The following OTOF variants were observed in gnomAD, a reference collection of about 807,000 sequenced individuals.
OTOF encodes the protein fer-1-like family member 2.
In OTOF, 218 loss-of-function variants were observed where a neutral mutation model predicts 236.8. That is an observed-to-expected ratio of 0.92 (90% CI 0.82 to 1.03). The LOEUF (loss-of-function observed/expected upper bound fraction) is 1.03, where lower values mean the gene tolerates loss of function less well. OTOF is among the 50% of genes least tolerant of loss of function. OTOF has a pLI of 0.00. For synonymous variants in OTOF, 1,041 were observed against 1,072.5 expected, an observed-to-expected ratio of 0.97 and a Z score of 0.57; for missense variants, 2,590 against 2,694.4, an observed-to-expected ratio of 0.96 and a Z score of 0.86.
Position 26,476,239 on chromosome 2 carries a change from T to C in OTOF, c.2755A>G (p.Ser919Gly), listed in dbSNP as rs987743320. 1.2e-6 allele frequency: 2 copies of C among 1,608,218 alleles called. No homozygotes were observed. Among genetic ancestry groups the C allele is most frequent in the Non-Finnish European group, 1.7e-6 (2 of 1,179,814 alleles). Residue 919 changes from serine (S) to glycine (G), a missense_variant, in exon 23 of 47, where the codon AGC becomes GGC. Ser to Gly is a moderately conservative substitution (Grantham distance 56, BLOSUM62 0). Around this residue, in one of 2 missense-constraint regions of OTOF, gnomAD observed 1,379 missense variants for 1,341.6 expected, o/e 1.03. Transcript: ENST00000272371. The stretch of plus-strand genomic sequence containing the variant: ...CACAGGAACTCCTTGCGCTGTTTGC[T>C]GAGGCCCAGCCACAGGTACAGCTCC... ...KVELYLWLGLSKQRKEFLCGL... is the reference protein window; with the variant it reads ...KVELYLWLGLGKQRKEFLCGL...
At chr2:26,513,351 G>T (rs903937383) in intron 5 of OTOF, among the ~76,000 whole-genome samples, 9 of 152,270 alleles carry the variant, frequency 5.9e-5, no homozygotes, top group East Asian at 1.9e-4. Flanking sequence ...GGGCAGGGCT[G>T]GGGGGTGGAC....
At chr2:26,510,787 G>T in intron 5 of OTOF, 1 of 1,255,742 alleles carries the variant, frequency 8.0e-7, no homozygotes, top group Non-Finnish European at 1.0e-6. Flanking sequence ...AAGGGGACAC[G>T]TGTGAGGGGC....
chr2:26,554,564 C>T (rs150325242), intron 1 of OTOF, among the ~76,000 whole-genome samples: 64 of 152,200 alleles, frequency 4.2e-4, no homozygotes, highest in African/African-American at 1.5e-3. Context: ...ACTTTGTGTG[C>T]AAAGTACTAC....
intron 4 of OTOF, among the ~76,000 whole-genome samples, chr2:26,518,345 T>A (rs370126354): frequency 1.3e-5 from 2 of 152,244 alleles, no homozygotes; most frequent in African/African-American, 4.8e-5. Context: ...TGAGGTGATA[T>A]GTAGCTTGCC....
At chr2:26,530,711 C>T (rs549492286) in intron 2 of OTOF, among the ~76,000 whole-genome samples, 1 of 152,180 alleles carries the variant, frequency 6.6e-6, no homozygotes, top group African/African-American at 2.4e-5. Flanking sequence ...ATCAGTTTCT[C>T]TCTCTGTCTC....
At chr2:26,494,731 T>G (rs1665936020) in intron 9 of OTOF, among the ~76,000 whole-genome samples, 1 of 151,744 alleles carries the variant, frequency 6.6e-6, no homozygotes. Flanking sequence ...CAAAGACCAG[T>G]GTCGGCCTGT....
At chr2:26,556,447 A>G (rs1290083957) in intron 1 of OTOF, among the ~76,000 whole-genome samples, 1 of 152,160 alleles carries the variant, frequency 6.6e-6, no homozygotes, top group Non-Finnish European at 1.5e-5. Flanking sequence ...TCATCTGCCT[A>G]TTCCTGCTGC....
intron 9 of OTOF, among the ~76,000 whole-genome samples, chr2:26,490,916 C>T (rs1470240926): frequency 6.6e-6 from 1 of 152,142 alleles, no homozygotes; most frequent in Non-Finnish European, 1.5e-5. Context: ...CACTAACAGG[C>T]CCAGGGTGTG....
At chr2:26,548,181 G>C (rs543331986) in intron 1 of OTOF, among the ~76,000 whole-genome samples, 22 of 151,966 alleles carry the variant, frequency 1.4e-4, no homozygotes, top group Non-Finnish European at 2.6e-4. Context: ...GATAAGTCTT[G>C]CTAGGGTTTA....
chr2:26,550,857 C>G (rs780056409), intron 1 of OTOF, among the ~76,000 whole-genome samples: 6 of 152,128 alleles, frequency 3.9e-5, no homozygotes, highest in Admixed American at 6.5e-5. Flanking sequence ...AGTGTGACAC[C>G]AAAGACCCTC....
intron 1 of OTOF, among the ~76,000 whole-genome samples, chr2:26,557,513 T>C (rs1458070531): frequency 6.6e-6 from 1 of 152,170 alleles, no homozygotes; most frequent in East Asian, 1.9e-4. Context: ...CCTCGCCTCC[T>C]TGCCCTGCTT....
rs1459816705 is a variant in OTOF at position 26,476,195 on chromosome 2, G to C, written c.2799C>G (p.Phe933Leu). 1 of 1,610,676 alleles carries C rather than the reference G, an allele frequency of 6.2e-7. No individual in the cohort carries two copies. The highest frequency in any genetic ancestry group is 1.7e-5 in the Admixed American group (1 of 60,006). Reference protein sequence around the residue: ...KEFLCGLPCGFQEVKAAQGLG... With the variant: ...KEFLCGLPCGLQEVKAAQGLG... ...GGCCCTGGGCTGCCTTGACCTCCTG[G>C]AAGCCACAGGGCAGGCCGCACAGGA... The change falls in exon 23 of 47, where the codon TTC (phenylalanine) becomes TTG (leucine). Residue 933 changes from phenylalanine to leucine, a missense_variant. Around this residue, in one of 2 missense-constraint regions of OTOF, gnomAD observed 1,379 missense variants for 1,341.6 expected, o/e 1.03. Transcript: ENST00000272371.
At chr2:26,553,437 C>G (rs549590816) in intron 1 of OTOF, among the ~76,000 whole-genome samples, 1 of 152,186 alleles carries the variant, frequency 6.6e-6, no homozygotes, top group African/African-American at 2.4e-5. Flanking sequence ...GCTCCTTTTC[C>G]CTCGTCTCTG....
rs750648230 is a variant in OTOF, at chr2:26,465,706, G to C, written c.4765C>G (p.Arg1589Gly). ...GTCTGGGCGATGCCGCAGGTGGCGC[G>C]GTGCTTGCTGTAGAAGCGGTTCTCC... ...DLENRFYSKHRATCGIAQTYS... is the reference protein window; with the variant it reads ...DLENRFYSKHGATCGIAQTYS... Residue 1589 changes from arginine to glycine, a missense_variant, in exon 38 of 47, where the codon CGC becomes GGC. Arg to Gly is a moderately radical substitution (Grantham distance 125). Coordinates refer to ENST00000272371, the MANE Select transcript of OTOF (RefSeq NM_194248.3). 2 of 1,614,154 alleles carry C rather than the reference G, an allele frequency of 1.2e-6. No homozygotes were observed. The highest frequency in any genetic ancestry group is 2.7e-5 in the African/African-American group (2 of 74,948).
At position 26,472,548 on chromosome 2, in the gene OTOF, T is replaced by G; in HGVS notation, c.3835A>C (p.Lys1279Gln). Residue 1279 changes from lysine to glutamine, a missense_variant, in exon 30 of 47, where the codon AAA becomes CAA. Lys to Gln is a moderately conservative substitution (Grantham distance 53, BLOSUM62 1). Coordinates refer to ENST00000272371, the MANE Select transcript of OTOF (RefSeq NM_194248.3). ...TCCAGCTTCACCATGGTCTCCAGTTTCTTGATGGGTACCTCTGGCTCCATA... is the reference window on the plus strand; with the variant it reads ...TCCAGCTTCACCATGGTCTCCAGTTGCTTGATGGGTACCTCTGGCTCCATA... ...VTMEPEVPIK[K>Q]LETMVKLDAT... is the part of the protein sequence containing the mutation. 1 of 1,613,516 alleles carries G rather than the reference T, an allele frequency of 6.2e-7. No individual in the cohort carries two copies. Among genetic ancestry groups the G allele is most frequent in the Non-Finnish European group, 8.5e-7 (1 of 1,180,028 alleles).
rs888251005 is a variant in OTOF at position 26,479,461 on chromosome 2, G to A, written c.2093+12C>T. 6 of 1,603,214 alleles carry A rather than the reference G, an allele frequency of 3.7e-6. No homozygotes were observed. The South Asian group carries it at 5.6e-5, about 15-fold the overall frequency. ...AGGGCCAGGCCACAGGAGGATGGGA[G>A]GCTGGGCCCACCTGTCGGTGACCTG... On this transcript the variant is annotated intron_variant, in intron 17 of 46. Transcript: ENST00000272371.
Position 26,516,330 on chromosome 2 carries a change from C to G in OTOF, c.509+88G>C. On this transcript the variant is annotated intron_variant, in intron 5 of 46. Transcript: ENST00000272371. ...CCCTGTACTCTGAGCCCAGCTAGGCCTAGAGAGGCCTGTCAGTAGGACCAG... is the reference window on the plus strand; with the variant it reads ...CCCTGTACTCTGAGCCCAGCTAGGCGTAGAGAGGCCTGTCAGTAGGACCAG... The G allele has an allele frequency of 5.5e-6, 7 of 1,267,870 alleles. No homozygotes were observed. The South Asian group carries it at 9.4e-5, about 17-fold the overall frequency. The allele number at this position is 1,267,870 out of a possible 1,614,324, so 78.5% of individuals were successfully genotyped here. A position where few individuals can be genotyped will look rare whatever the true frequency, so the allele number is the denominator to read the frequency against.
chr2:26,558,086 G>A (rs1352707701), intron 1 of OTOF, among the ~76,000 whole-genome samples: 1 of 151,842 alleles, frequency 6.6e-6, no homozygotes, highest in Admixed American at 6.6e-5. Flanking sequence ...GTCACCCTGG[G>A]TGCCCCAGGC....
chr2:26,554,772 CA>C (rs1410105553), intron 1 of OTOF, among the ~76,000 whole-genome samples: 1 of 149,566 alleles, frequency 6.7e-6, no homozygotes, highest in Non-Finnish European at 1.5e-5. Context: ...GGGTGGGAAT[CA>C]GGGGGAGGGT....
Sources: gnomAD v4.1 joint callset for allele counts (sites outside exome capture counted in the v4.1 genomes callset) on GRCh38, gnomAD v4.1.1 for gene constraint, gnomAD v4.1.1 regional missense constraint, MANE v1.5 for transcripts, NCBI Gene and HGNC (gene_info 2026-07-23, HGNC 2026-07-21) for gene names.